The following FRMD6 variants were observed in gnomAD, a reference collection of about 807,000 sequenced individuals.
FRMD6 encodes the protein FERM domain containing 6.
A neutral mutation model predicts 73.2 loss-of-function variants in FRMD6; 37 were observed. The ratio of observed to expected loss-of-function variants is 0.51; its 90% CI spans 0.39 to 0.66. The LOEUF is 0.66. FRMD6 is among the 30% of genes least tolerant of loss of function. The pLI, the probability that FRMD6 is intolerant of heterozygous loss-of-function variation, is 0.00. For synonymous variants in FRMD6, 273 were observed against 282.2 expected (o/e 0.97, Z 0.33); for missense variants, 714 against 780.5 (o/e 0.91, Z 1.02).
chr14:51,678,090 T>C (rs548978016), intron 1 of FRMD6, among the ~76,000 whole-genome samples: 8 of 152,314 alleles, frequency 5.3e-5, no homozygotes, highest in African/African-American at 1.4e-4. Context: ...TTAACACTTA[T>C]CTAGTGCTTA....
At chr14:51,584,196 C>G (rs1888893474) in intron 2 of FRMD6, 2 of 152,174 alleles carry the variant, frequency 1.3e-5, no homozygotes, top group Admixed American at 1.3e-4. Context: ...CAGCATAACT[C>G]TTCTGATTCA....
the FRMD6 span, among the ~76,000 whole-genome samples, chr14:51,473,824 CTT>C: frequency 7.6e-4 from 109 of 144,290 alleles, no homozygotes; most frequent in African/African-American, 1.2e-3. Context: ...GCTTTCTTTA[CTT>C]TTTTTTTTTT....
At chr14:51,603,619 A>G (rs7160397) in intron 2 of FRMD6, among the ~76,000 whole-genome samples, 5,795 of 152,286 alleles carry the variant, frequency 0.038, 135 homozygotes, top group Non-Finnish European at 0.055. Flanking sequence ...TAAGGTAAAA[A>G]TGTTCTCCTG....
intron 1 of FRMD6, among the ~76,000 whole-genome samples, chr14:51,677,954 G>A (rs183833418): frequency 6.6e-6 from 1 of 152,176 alleles, no homozygotes; most frequent in East Asian, 1.9e-4. Flanking sequence ...GAGAAACTAG[G>A]TTCTGTGTAT....
intron 9 of FRMD6, among the ~76,000 whole-genome samples, chr14:51,712,806 A>G (rs184966309): frequency 9.0e-4 from 137 of 152,334 alleles, no homozygotes; most frequent in Middle Eastern, 6.8e-3. Context: ...AAAAGAAGTT[A>G]GTAATTTTAA....
chr14:51,490,855 A>G (rs1882964051), intron 1 of FRMD6, among the ~76,000 whole-genome samples: 1 of 152,174 alleles, frequency 6.6e-6, no homozygotes, highest in Non-Finnish European at 1.5e-5. Context: ...TGTTCCTCTC[A>G]GTACTGGGCT....
the FRMD6 span, chr14:51,396,870 G>A: frequency 6.6e-6 from 1 of 152,154 alleles, no homozygotes; most frequent in Non-Finnish European, 1.5e-5. Context: ...TTTTATATGT[G>A]GATCCAATTT....
At chr14:51,508,959 T>C (rs559167472) in intron 1 of FRMD6, among the ~76,000 whole-genome samples, 2 of 152,206 alleles carry the variant, frequency 1.3e-5, no homozygotes, top group Non-Finnish European at 2.9e-5. Flanking sequence ...AGAATGACTA[T>C]GAATGACTGA....
In FRMD6 at chr14:51,704,885, A is replaced by C. The variant is rs1896532541; in HGVS notation, c.508A>C (p.Asn170His). Residue 170 changes from asparagine (N) to histidine (H), a missense_variant, in exon 6 of 14, where the codon AAT becomes CAT. By Grantham distance (68) the Asn-to-His change is moderately conservative. Coordinates refer to ENST00000344768, the MANE Select transcript of FRMD6 (RefSeq NM_001267046.2). ...GGCTGATCTTGGGAACTTCAAAAGG[A>C]ATAAGCACTATGGAAAATACTTCGA... ...LQADLGNFKR[N>H]KHYGKYFEPE... The C allele has an allele frequency of 6.2e-7, 1 of 1,613,248 alleles. No individual in the cohort carries two copies. Among genetic ancestry groups the C allele is most frequent in the Non-Finnish European group, 8.5e-7 (1 of 1,179,568 alleles).
At chr14:51,495,426 G>T (rs1422666586) in intron 1 of FRMD6, among the ~76,000 whole-genome samples, 1 of 152,182 alleles carries the variant, frequency 6.6e-6, no homozygotes, top group African/African-American at 2.4e-5. Flanking sequence ...CATAGCAGGG[G>T]AGTATGGCCT....
the FRMD6 span, among the ~76,000 whole-genome samples, chr14:51,427,582 C>T: frequency 2.0e-5 from 3 of 152,210 alleles, no homozygotes; most frequent in African/African-American, 7.2e-5. Flanking sequence ...GAGAAGAAAA[C>T]AAATTTGTCA....
chr14:51,453,143 AG>A, the FRMD6 span, among the ~76,000 whole-genome samples: 7 of 137,024 alleles, frequency 5.1e-5, no homozygotes, highest in African/African-American at 1.0e-4. Flanking sequence ...TGACAGGAAA[AG>A]CTGGTAAAAA....
intron 5 of FRMD6, among the ~76,000 whole-genome samples, chr14:51,703,057 T>C (rs1189665534): frequency 6.6e-6 from 1 of 152,006 alleles, no homozygotes; most frequent in Non-Finnish European, 1.5e-5. Flanking sequence ...TTTCTTTTCA[T>C]GTTTGGGGTC....
intron 1 of FRMD6, among the ~76,000 whole-genome samples, chr14:51,688,301 G>C (rs753415324): frequency 1.1e-4 from 16 of 151,902 alleles, no homozygotes; most frequent in South Asian, 2.1e-4. Context: ...TTCTAAATGG[G>C]CTTTTAGCCA....
chr14:51,669,485 G>C (rs1262628929), intron 1 of FRMD6, among the ~76,000 whole-genome samples: 1 of 152,188 alleles, frequency 6.6e-6, no homozygotes, highest in Non-Finnish European at 1.5e-5. Flanking sequence ...CCATGTCTGA[G>C]AGTTCTAGTT....
intron 2 of FRMD6, among the ~76,000 whole-genome samples, chr14:51,627,076 T>C (rs1284940225): frequency 6.6e-6 from 1 of 152,194 alleles, no homozygotes; most frequent in African/African-American, 2.4e-5. Flanking sequence ...TTCTGATTTT[T>C]TTATATGCCT....
the FRMD6 span, among the ~76,000 whole-genome samples, chr14:51,437,822 G>T: frequency 6.6e-6 from 1 of 152,058 alleles, no homozygotes; most frequent in Non-Finnish European, 1.5e-5. Flanking sequence ...ATCCTTTCCT[G>T]TCTGAACAAA....
At chr14:51,457,180 T>G in the FRMD6 span, among the ~76,000 whole-genome samples, 1 of 152,230 alleles carries the variant, frequency 6.6e-6, no homozygotes, top group Non-Finnish European at 1.5e-5. Flanking sequence ...ATGATGAATA[T>G]GTTAAATCCC....
chr14:51,682,191 A>G (rs2140310035), intron 1 of FRMD6, among the ~76,000 whole-genome samples: 1 of 152,280 alleles, frequency 6.6e-6, no homozygotes, highest in South Asian at 2.1e-4. Flanking sequence ...ATTCCCTGTA[A>G]GTGGGATTAT....
Sources: allele counts gnomAD v4.1 joint callset (sites outside exome capture counted in the v4.1 genomes callset), GRCh38; gene constraint gnomAD v4.1.1; transcripts MANE v1.5; gene names NCBI Gene and HGNC (gene_info 2026-07-23, HGNC 2026-07-21).